RBMS3: variants seen among roughly 807,000 people sequenced by gnomAD.
RBMS3 encodes RNA binding motif single stranded interacting protein 3.
In RBMS3, 27 loss-of-function variants were observed where a neutral mutation model predicts 66.8. The ratio of observed to expected loss-of-function variants is 0.40; its 90% CI spans 0.30 to 0.56. The LOEUF is 0.56. RBMS3 is among the 20% of genes least tolerant of loss of function. The probability of loss-of-function intolerance (pLI) is 0.40; values close to 1 mark genes in which losing one functional copy is unlikely to be tolerated. For missense variants in RBMS3, 513 were observed against 549.5 expected, an observed-to-expected ratio of 0.93 and a Z score of 0.66; for synonymous variants, 188 against 183.0, an observed-to-expected ratio of 1.03 and a Z score of -0.22.
chr3:29,514,880 T>C (rs2044563496), intron 3 of RBMS3, among the ~76,000 whole-genome samples: 1 of 151,880 alleles, frequency 6.6e-6, no homozygotes, highest in African/African-American at 2.4e-5. Context: ...GAGTACTTTA[T>C]GCATGTCAGA....
chr3:29,581,306 C>T (rs866762389), intron 3 of RBMS3, among the ~76,000 whole-genome samples: 20 of 152,106 alleles, frequency 1.3e-4, no homozygotes, highest in African/African-American at 4.8e-4. Context: ...CTTCTGTGAT[C>T]ACATAATGCA....
At chr3:29,818,826 T>C (rs1038770192) in intron 6 of RBMS3, among the ~76,000 whole-genome samples, 1 of 152,124 alleles carries the variant, frequency 6.6e-6, no homozygotes, top group East Asian at 1.9e-4. Context: ...TAAGCATAAA[T>C]TAGTTATGTT....
At position 30,010,089 on chromosome 3, in the gene RBMS3, A is replaced by G. The variant is rs1201388092; in HGVS notation, c.*6227A>G. The G allele has an allele frequency of 6.6e-6, 1 of 150,882 alleles. No homozygotes were observed. Among genetic ancestry groups the G allele is most frequent in the Non-Finnish European group, 1.5e-5 (1 of 67,792 alleles). The allele number at this position is 150,882 out of a possible 1,614,324, so 9.3% of individuals were successfully genotyped here. On this transcript the variant is annotated 3_prime_UTR_variant, in exon 15 of 15. Coordinates refer to ENST00000383767, the MANE Select transcript of RBMS3 (RefSeq NM_001003793.3). ...TCAGTCTCTATAAAAAAAAAAAGGG[A>G]CACAGCTTCTTTTAAAACCCTTGTT...
chr3:29,935,929 G>A (rs2061254230), intron 10 of RBMS3, among the ~76,000 whole-genome samples, 157 bp from the exon 11 acceptor site: 1 of 152,128 alleles, frequency 6.6e-6, no homozygotes, highest in Admixed American at 6.5e-5. Flanking sequence ...AAAATGACAT[G>A]AATGGACATA....
chr3:29,365,482 G>A (rs1366259236), intron 1 of RBMS3, among the ~76,000 whole-genome samples: 1 of 151,984 alleles, frequency 6.6e-6, no homozygotes, highest in Non-Finnish European at 1.5e-5. Flanking sequence ...TTCTTACAAT[G>A]GTGATTGACA....
intron 6 of RBMS3, among the ~76,000 whole-genome samples, chr3:29,784,438 G>A (rs1464115733): frequency 9.9e-5 from 15 of 152,016 alleles, no homozygotes; most frequent in African/African-American, 2.9e-4. Flanking sequence ...GAATGATCAC[G>A]GGGTCAACAA....
At chr3:29,471,964 C>T (rs1004401480) in intron 2 of RBMS3, among the ~76,000 whole-genome samples, 4 of 152,030 alleles carry the variant, frequency 2.6e-5, no homozygotes, top group African/African-American at 9.7e-5. Flanking sequence ...GCATTTCATA[C>T]TTCTCCATGT....
intron 4 of RBMS3, among the ~76,000 whole-genome samples, chr3:29,644,113 A>C (rs1373783435): frequency 1.3e-5 from 2 of 152,196 alleles, no homozygotes; most frequent in African/African-American, 4.8e-5. Context: ...AATCTAATAG[A>C]GGGGAATTCT....
chr3:29,699,314 T>A (rs1394265465), intron 4 of RBMS3, among the ~76,000 whole-genome samples: 1 of 152,138 alleles, frequency 6.6e-6, no homozygotes, highest in Non-Finnish European at 1.5e-5. Flanking sequence ...CAAACCCAGC[T>A]AATTTTTGTA....
chr3:29,575,429 TC>T (rs1559481202), intron 3 of RBMS3, among the ~76,000 whole-genome samples: 1 of 152,084 alleles, frequency 6.6e-6, no homozygotes, highest in Non-Finnish European at 1.5e-5. Context: ...TAGGATCCTT[TC>T]TTTATCCTTG....
At chr3:29,828,914 A>G (rs574767091) in intron 6 of RBMS3, among the ~76,000 whole-genome samples, 1 of 152,318 alleles carries the variant, frequency 6.6e-6, no homozygotes, top group African/African-American at 2.4e-5. Flanking sequence ...GTAATAACCC[A>G]TATAGTAGAA....
intron 4 of RBMS3, chr3:29,698,639 T>C: frequency 1.0e-6 from 1 of 982,580 alleles, no homozygotes; most frequent in Non-Finnish European, 1.2e-6. Flanking sequence ...TCATATATTG[T>C]TACCATCTCC....
chr3:29,986,750 T>C (rs1003357171), intron 12 of RBMS3, among the ~76,000 whole-genome samples: 8 of 152,060 alleles, frequency 5.3e-5, no homozygotes, highest in Non-Finnish European at 1.5e-5. Flanking sequence ...CAGGACCAGC[T>C]TGGCCAATAT....
intron 4 of RBMS3, among the ~76,000 whole-genome samples, chr3:29,676,715 A>T (rs1201776685): frequency 6.6e-6 from 1 of 152,198 alleles, no homozygotes; most frequent in Non-Finnish European, 1.5e-5. Flanking sequence ...GAGAAATCAT[A>T]TGAGTGCTAT....
At chr3:29,646,355 A>G (rs1317177596) in intron 4 of RBMS3, among the ~76,000 whole-genome samples, 2 of 152,236 alleles carry the variant, frequency 1.3e-5, no homozygotes, top group African/African-American at 4.8e-5. Context: ...TTTCAGGTTC[A>G]ATACTAGAAA....
chr3:29,597,207 TA>T (rs151051173), intron 4 of RBMS3, among the ~76,000 whole-genome samples: 2,596 of 152,318 alleles, frequency 0.017, 83 homozygotes, highest in African/African-American at 0.059. Flanking sequence ...TAAAGATGTT[TA>T]ATTATCACAG....
At chr3:29,748,640 G>T (rs545351074) in intron 5 of RBMS3, among the ~76,000 whole-genome samples, 28 of 152,308 alleles carry the variant, frequency 1.8e-4, no homozygotes, top group African/African-American at 4.8e-4. Context: ...CATGGATGCT[G>T]TGAGGAGGGG....
At chr3:29,989,740 T>TAA (rs896541104) in intron 13 of RBMS3, among the ~76,000 whole-genome samples, 30 of 152,376 alleles carry the variant, frequency 2.0e-4, no homozygotes, top group South Asian at 8.3e-4. Context: ...TGTGTCATCT[T>TAA]AAACAGTTTT....
chr3:29,287,081 T>C (rs1335064027), intron 1 of RBMS3, among the ~76,000 whole-genome samples: 1 of 152,096 alleles, frequency 6.6e-6, no homozygotes, highest in South Asian at 2.1e-4. Context: ...AAAGCGAAAA[T>C]GTATTCATGT....
Sources: allele counts gnomAD v4.1 joint callset (sites outside exome capture counted in the v4.1 genomes callset), GRCh38; gene constraint gnomAD v4.1.1; transcripts MANE v1.5; gene names NCBI Gene and HGNC (gene_info 2026-07-23, HGNC 2026-07-21).